Variants in EHBP1 observed in about 807,000 individuals in gnomAD.
EHBP1 encodes the protein EH domain binding protein 1.
EHBP1 carries 55 observed loss-of-function variants against 144.0 expected under a neutral mutation model. That is an observed-to-expected ratio of 0.38 (90% CI 0.31 to 0.48). The LOEUF is 0.48. Among genes scored for constraint, EHBP1 ranks in the 20% least tolerant of loss-of-function variants. The probability of loss-of-function intolerance (pLI) is 0.98; values close to 1 mark genes in which losing one functional copy is unlikely to be tolerated. For synonymous variants in EHBP1, 469 were observed against 472.7 expected (o/e 0.99, Z 0.10); for missense variants, 1,200 against 1,364.2 (o/e 0.88, Z 1.90).
intron 1 of EHBP1, among the ~76,000 whole-genome samples, chr2:62,675,250 C>T (rs2033242159): frequency 6.6e-6 from 1 of 152,156 alleles, no homozygotes; most frequent in Non-Finnish European, 1.5e-5. Flanking sequence ...AAAAGTGTCC[C>T]TCCAGATAAG....
rs752743437 is a variant in EHBP1, at chr2:63,045,364, GA to G, written c.3393-41del. 1.4e-4 allele frequency: 218 copies of G among 1,586,200 alleles called. No homozygotes were observed. Among genetic ancestry groups the G allele is most frequent in the Non-Finnish European group, 1.8e-4 (211 of 1,154,994 alleles). ...GGAGTGCTGCTCTGCCCTCCACGAA[GA>G]AAAATAATTTTGTTTCCTGTTTGTC... On this transcript the variant is annotated intron_variant, in intron 22 of 22. Coordinates refer to ENST00000431489, the MANE Select transcript of EHBP1 (RefSeq NM_001142616.3). The surrounding 1 kb of genome is among the most constrained non-coding windows in gnomAD (Gnocchi z 5.7).
chr2:62,809,498 G>A (rs889776562), intron 5 of EHBP1, among the ~76,000 whole-genome samples: 5 of 151,684 alleles, frequency 3.3e-5, no homozygotes, highest in African/African-American at 7.3e-5. Flanking sequence ...TTTGTTTTTT[G>A]TTTTTATAAT....
intron 1 of EHBP1, among the ~76,000 whole-genome samples, chr2:62,695,589 A>G (rs1320182237): frequency 6.6e-6 from 1 of 152,230 alleles, no homozygotes; most frequent in Non-Finnish European, 1.5e-5. Flanking sequence ...ATTGGATATG[A>G]TTTATAATCA....
rs1216229378 is a variant in EHBP1, at chr2:62,771,074, C to G, written c.259-265C>G. Among the ~76,000 whole-genome samples, 6 of 152,004 alleles carry G rather than the reference C, an allele frequency of 3.9e-5. 1 individual carries two copies. The South Asian group carries it at 1.2e-3, about 31-fold the overall frequency. ...TAACTATTGGGTACTAGAATTCGTA[C>G]CTGGGTGAGAAAATAATCTGTACAA... is the stretch of plus-strand genomic sequence containing the variant. On this transcript the variant is annotated intron_variant, in intron 4 of 22. Transcript: ENST00000431489.
At chr2:63,026,666 G>T (rs936113058) in intron 19 of EHBP1, among the ~76,000 whole-genome samples, 1 of 152,238 alleles carries the variant, frequency 6.6e-6, no homozygotes, top group South Asian at 2.1e-4. Flanking sequence ...CATTTCCATT[G>T]CCTCAATTGG....
intron 5 of EHBP1, among the ~76,000 whole-genome samples, chr2:62,791,651 G>A (rs564916319): frequency 1.1e-4 from 17 of 152,022 alleles, no homozygotes; most frequent in Non-Finnish European, 2.4e-4. Context: ...TGTCAAGTTT[G>A]TTAGGTAACA....
chr2:62,692,314 A>C (rs1215119362), intron 1 of EHBP1, among the ~76,000 whole-genome samples: 1 of 152,216 alleles, frequency 6.6e-6, no homozygotes, highest in African/African-American at 2.4e-5. Flanking sequence ...CTATTTGATT[A>C]TTATGAATAA....
At chr2:62,821,655 G>A (rs2045990093) in intron 5 of EHBP1, among the ~76,000 whole-genome samples, 1 of 152,138 alleles carries the variant, frequency 6.6e-6, no homozygotes. Context: ...ACTCTATCCT[G>A]GGTGACAGAG....
intron 13 of EHBP1, among the ~76,000 whole-genome samples, chr2:62,950,510 T>A (rs1220962610): frequency 2.0e-5 from 3 of 152,152 alleles, no homozygotes; most frequent in Non-Finnish European, 4.4e-5. Flanking sequence ...ATCTAATGAG[T>A]TCATTGTGGC....
chr2:62,917,049 A>G (rs574434633), intron 10 of EHBP1, among the ~76,000 whole-genome samples: 10 of 152,262 alleles, frequency 6.6e-5, no homozygotes, highest in African/African-American at 2.2e-4. Context: ...TTATATGAAC[A>G]TCTTAGAGCA....
At chr2:62,764,216 C>A in intron 3 of EHBP1, 50 bp from the exon 4 acceptor site, 1 of 1,266,612 alleles carries the variant, frequency 7.9e-7, no homozygotes, top group South Asian at 1.6e-5. Context: ...AAATTACTAA[C>A]ATTGCATTTC....
At chr2:62,703,035 T>C (rs1285631217), upstream of EHBP1, among the ~76,000 whole-genome samples, 1 of 152,150 alleles carries the variant, frequency 6.6e-6, no homozygotes, top group Non-Finnish European at 1.5e-5. Flanking sequence ...TTGGTAATAT[T>C]TAATATGATC....
At chr2:62,980,475 G>A (rs2058916347) in intron 15 of EHBP1, among the ~76,000 whole-genome samples, 1 of 152,080 alleles carries the variant, frequency 6.6e-6, no homozygotes, top group Non-Finnish European at 1.5e-5. Context: ...CCAAAACAAA[G>A]GTAAGCTATT....
intron 7 of EHBP1, among the ~76,000 whole-genome samples, chr2:62,845,589 TG>T (rs985286908): frequency 5.9e-5 from 9 of 152,000 alleles, no homozygotes; most frequent in African/African-American, 1.9e-4. Flanking sequence ...TATGGGACTC[TG>T]GTCAGAGAGT....
intron 7 of EHBP1, among the ~76,000 whole-genome samples, chr2:62,858,055 T>C (rs939299319): frequency 9.9e-5 from 15 of 152,216 alleles, no homozygotes; most frequent in African/African-American, 3.1e-4. Flanking sequence ...ATATATATTT[T>C]GTTCTGTTTT....
In EHBP1 at chr2:63,038,829, A is replaced by G. The variant is rs200099767; in HGVS notation, c.3277+13A>G. On this transcript the variant is annotated intron_variant, in intron 21 of 22. Coordinates refer to ENST00000431489, the MANE Select transcript of EHBP1 (RefSeq NM_001142616.3). ...CTAGCCATTGAAGGTAAGAAATGCT[A>G]TGGTGGGGTGAGGTATGTGACGTGT... The G allele has an allele frequency of 6.2e-6, 10 of 1,609,530 alleles. No individual in the cohort carries two copies. Among genetic ancestry groups the G allele is most frequent in the East Asian group, 4.5e-5 (2 of 44,810 alleles).
At chr2:62,699,936 T>C (rs2034225786) in intron 1 of EHBP1, among the ~76,000 whole-genome samples, 1 of 152,188 alleles carries the variant, frequency 6.6e-6, no homozygotes, top group Non-Finnish European at 1.5e-5. Context: ...CTAGATGCTG[T>C]GGAGCTGGAC....
At chr2:63,014,230 A>T (rs1212879732) in intron 19 of EHBP1, among the ~76,000 whole-genome samples, 1 of 152,190 alleles carries the variant, frequency 6.6e-6, no homozygotes, top group Non-Finnish European at 1.5e-5. Flanking sequence ...AAGCCTTTTA[A>T]TGCAACACCT....
At chr2:62,760,472 G>T (rs890903057) in intron 3 of EHBP1, among the ~76,000 whole-genome samples, 8 of 152,144 alleles carry the variant, frequency 5.3e-5, no homozygotes, top group South Asian at 2.1e-4. Flanking sequence ...ATAATAAAAA[G>T]ATTTTAGTTT....
Sources: gnomAD v4.1 joint callset for allele counts (sites outside exome capture counted in the v4.1 genomes callset) on GRCh38, gnomAD v4.1.1 for gene constraint, Gnocchi (gnomAD v3.1) non-coding constraint, MANE v1.5 for transcripts, NCBI Gene and HGNC (gene_info 2026-07-23, HGNC 2026-07-21) for gene names.